Variants in HORMAD1 observed in about 807,000 individuals in gnomAD.
HORMAD1 encodes HORMA domain-containing protein 1.
In HORMAD1, 33 loss-of-function variants were observed where a neutral mutation model predicts 58.2. That is an observed-to-expected ratio of 0.57 (90% CI 0.43 to 0.76). HORMAD1 has a LOEUF of 0.76. Among genes scored for constraint, HORMAD1 ranks in the 30% least tolerant of loss-of-function variants. The probability of loss-of-function intolerance (pLI) is 0.00; values close to 1 mark genes in which losing one functional copy is unlikely to be tolerated. For missense variants in HORMAD1, 363 were observed against 462.0 expected, an observed-to-expected ratio of 0.79 and a Z score of 1.96; for synonymous variants, 137 against 144.6, an observed-to-expected ratio of 0.95 and a Z score of 0.38.
chr1:150,712,560 A>AT (rs1651934817), intron 5 of HORMAD1, among the ~76,000 whole-genome samples: 1 of 152,066 alleles, frequency 6.6e-6, no homozygotes, highest in Non-Finnish European at 1.5e-5. Context: ...TAAAACAATT[A>AT]TTTTTTAAGA....
At chr1:150,707,211 G>A (rs936411056) in intron 9 of HORMAD1, among the ~76,000 whole-genome samples, 1 of 152,116 alleles carries the variant, frequency 6.6e-6, no homozygotes, top group Non-Finnish European at 1.5e-5. Context: ...TAGAAGACAT[G>A]CATATAATAA....
intron 3 of HORMAD1, among the ~76,000 whole-genome samples, chr1:150,715,016 C>T (rs1652026388): frequency 6.6e-6 from 1 of 151,992 alleles, no homozygotes; most frequent in Non-Finnish European, 1.5e-5. Context: ...AACTCCTGAC[C>T]TCAGGTGACC....
rs1203635456 is a variant in HORMAD1, at chr1:150,720,848, A to C, written c.-78T>G. 6.6e-6 allele frequency: 1 copy of C among 152,282 alleles called. No homozygotes were observed. Among genetic ancestry groups the C allele is most frequent in the Non-Finnish European group, 1.5e-5 (1 of 68,078 alleles). The allele number at this position is 152,282 out of a possible 1,614,324, so 9.4% of individuals were successfully genotyped here. Reference sequence around the variant, plus strand: ...CGCCGGAGACCAGAAGAGCTGCACGAGGCTGCACGCGCTGTGCCCGACGCG... The same window carrying C: ...CGCCGGAGACCAGAAGAGCTGCACGCGGCTGCACGCGCTGTGCCCGACGCG... On this transcript the variant is annotated 5_prime_UTR_variant, in exon 1 of 15. Coordinates refer to ENST00000361824, the MANE Select transcript of HORMAD1 (RefSeq NM_032132.5).
Position 150,706,800 on chromosome 1 carries a change from G to A in HORMAD1, c.557C>T (p.Pro186Leu). The A allele has an allele frequency of 6.2e-7, 1 of 1,608,348 alleles. No individual in the cohort carries two copies. The highest frequency in any genetic ancestry group is 8.5e-7 in the Non-Finnish European group (1 of 1,176,636). Residue 186 changes from proline to leucine, a missense_variant, in exon 10 of 15, where the codon CCA (proline) becomes CTA (leucine). Physicochemically the swap from Pro to Leu is moderately conservative, Grantham distance 98 (BLOSUM62 -3). This residue lies in a region of HORMAD1 where 226 missense variants were observed against 257.8 expected (regional missense o/e 0.88). Coordinates refer to ENST00000361824, the MANE Select transcript of HORMAD1 (RefSeq NM_032132.5). ...CTTAAAACCGGGAGGCTGGTAATCT[G>A]GGGGTGTAACTGCAAAAAAGTAAGT... Reference protein sequence around the residue: ...KLFYYDEVTPPDYQPPGFKDG... With the variant: ...KLFYYDEVTPLDYQPPGFKDG...
chr1:150,710,097 C>T (rs960094111), intron 7 of HORMAD1, among the ~76,000 whole-genome samples: 3 of 152,062 alleles, frequency 2.0e-5, no homozygotes, highest in South Asian at 2.1e-4. Context: ...AGCGCCGGTC[C>T]CCTGGGCCTA....
chr1:150,708,937 T>G lies in HORMAD1; in HGVS notation c.352A>C (p.Lys118Gln). 1 of 1,504,038 alleles carries G rather than the reference T, an allele frequency of 6.6e-7. No homozygotes were observed. Among genetic ancestry groups the G allele is most frequent in the South Asian group, 1.1e-5 (1 of 88,846 alleles). 93.2% of individuals were successfully genotyped at this position (1,504,038 alleles called of 1,614,324 possible). The change falls in exon 8 of 15, where the codon AAA becomes CAA. Residue 118 changes from lysine (K) to glutamine (Q), a missense_variant. Lys to Gln is a moderately conservative substitution (Grantham distance 53). Coordinates refer to ENST00000361824, the MANE Select transcript of HORMAD1 (RefSeq NM_032132.5). Reference sequence around the variant, plus strand: ...GGTCCATTATTGGTGTATTTGAATTTGAATTGGTAACATTCTGAAATTGTC... The same window carrying G: ...GGTCCATTATTGGTGTATTTGAATTGGAATTGGTAACATTCTGAAATTGTC... ...PQTISECYQFKFKYTNNGPLM... is the reference protein window; with the variant it reads ...PQTISECYQFQFKYTNNGPLM...
chr1:150,714,589 C>T (rs1571076693), intron 4 of HORMAD1, 26 bp downstream of exon 4: 3 of 1,237,886 alleles, frequency 2.4e-6, no homozygotes, highest in Non-Finnish European at 3.3e-6. Context: ...AAATAATTTT[C>T]TCTCTTTAGG....
intron 14 of HORMAD1, 115 bp downstream of exon 14, chr1:150,699,997 C>A: frequency 2.0e-6 from 1 of 511,550 alleles, no homozygotes; most frequent in South Asian, 3.6e-5. Flanking sequence ...ATTTGAATAT[C>A]AGAACTCTCA....
Position 150,698,430 on chromosome 1 carries a change from A to C in HORMAD1, c.*224T>G. ...AATCAATTTTGAAATTTTACTTATT[A>C]CCGAATCAATTATGACATTTGTACT... On this transcript the variant is annotated 3_prime_UTR_variant, in exon 15 of 15. Transcript: ENST00000361824. The C allele has an allele frequency of 3.2e-6, 1 of 316,980 alleles. No homozygotes were observed. Among genetic ancestry groups the C allele is most frequent in the East Asian group, 5.2e-5 (1 of 19,160 alleles). The allele number at this position is 316,980 out of a possible 1,614,324, so 19.6% of individuals were successfully genotyped here.
intron 7 of HORMAD1, 36 bp downstream of exon 7, chr1:150,711,509 G>A (rs927045084): frequency 1.4e-6 from 2 of 1,443,908 alleles, no homozygotes; most frequent in Non-Finnish European, 1.9e-6. Context: ...AGATATTAGA[G>A]GCATTATGTT....
chr1:150,701,372 C>T (rs1393320403), intron 13 of HORMAD1, among the ~76,000 whole-genome samples: 2 of 152,132 alleles, frequency 1.3e-5, no homozygotes, highest in Admixed American at 1.3e-4. Context: ...CTGCCTTCTG[C>T]CAGTTCTAAC....
chr1:150,709,090 T>C (rs952002900), intron 7 of HORMAD1, 129 bp from the exon 8 acceptor site: 34 of 618,318 alleles, frequency 5.5e-5, no homozygotes, highest in Non-Finnish European at 7.5e-5. Flanking sequence ...TATTGATCCA[T>C]TGAAACTTTT....
chr1:150,701,137 A>T (rs587672952), intron 13 of HORMAD1, among the ~76,000 whole-genome samples: 99 of 152,278 alleles, frequency 6.5e-4, no homozygotes, highest in Non-Finnish European at 1.2e-3. Context: ...CATATCCAAA[A>T]ACATGTGCAA....
chr1:150,711,928 T>G, intron 5 of HORMAD1, 75 bp from the exon 6 acceptor site: 1 of 999,392 alleles, frequency 1.0e-6, no homozygotes, highest in Non-Finnish European at 1.5e-6. Context: ...ATAAGAATTC[T>G]TTGTCCTATT....
chr1:150,706,883 G>T, intron 9 of HORMAD1, 74 bp from the exon 10 acceptor site: 1 of 1,216,546 alleles, frequency 8.2e-7, no homozygotes, highest in Non-Finnish European at 1.1e-6. Context: ...AAAAACACAC[G>T]CAGATTGCAG....
At chr1:150,711,432 A>T in intron 7 of HORMAD1, 113 bp downstream of exon 7, 1 of 809,440 alleles carries the variant, frequency 1.2e-6, no homozygotes, top group African/African-American at 1.7e-5. Context: ...AATATATATG[A>T]AAGTATATTG....
chr1:150,704,903 C>T (rs587628332), intron 10 of HORMAD1, among the ~76,000 whole-genome samples: 8 of 152,008 alleles, frequency 5.3e-5, no homozygotes, highest in African/African-American at 1.7e-4. Context: ...ATTAGCCCGG[C>T]GTGGTGGCAC....
At chr1:150,718,202 C>T (rs781450544) in intron 2 of HORMAD1, among the ~76,000 whole-genome samples, 19 of 152,122 alleles carry the variant, frequency 1.2e-4, no homozygotes, top group Non-Finnish European at 2.6e-4. Flanking sequence ...TTAGCAATCA[C>T]TCCCTGTCCC....
intron 5 of HORMAD1, among the ~76,000 whole-genome samples, chr1:150,712,159 AAC>A (rs1198403194): frequency 6.6e-6 from 1 of 152,236 alleles, no homozygotes; most frequent in Non-Finnish European, 1.5e-5. Context: ...ATTGTGAAAT[AAC>A]ACAATATATG....
Sources: gnomAD v4.1 joint callset for allele counts (sites outside exome capture counted in the v4.1 genomes callset) on GRCh38, gnomAD v4.1.1 for gene constraint, gnomAD v4.1.1 regional missense constraint, MANE v1.5 for transcripts, NCBI Gene and HGNC (gene_info 2026-07-23, HGNC 2026-07-21) for gene names.